Variants in ADAM9 observed in about 807,000 individuals in gnomAD.
ADAM9 encodes ADAM metallopeptidase domain 9.
In ADAM9, 54 loss-of-function variants were observed where a neutral mutation model predicts 108.1. The ratio of observed to expected loss-of-function variants is 0.50; its 90% CI spans 0.40 to 0.63. ADAM9 has a LOEUF of 0.63. Among genes scored for constraint, ADAM9 ranks in the 20% least tolerant of loss-of-function variants. The probability of loss-of-function intolerance (pLI) is 0.00; values close to 1 mark genes in which losing one functional copy is unlikely to be tolerated. For missense variants in ADAM9, 830 were observed against 997.7 expected (o/e 0.83, Z 2.26); for synonymous variants, 316 against 336.0 (o/e 0.94, Z 0.65).
intron 1 of ADAM9, among the ~76,000 whole-genome samples, chr8:39,003,082 G>C (rs140929934): frequency 2.0e-5 from 3 of 152,170 alleles, no homozygotes; most frequent in Admixed American, 2.0e-4. Context: ...CACCATGTTG[G>C]CCAGGCTGGT....
intron 15 of ADAM9, 126 bp from the exon 16 acceptor site, chr8:39,077,102 A>C: frequency 9.3e-7 from 1 of 1,075,762 alleles, no homozygotes; most frequent in Non-Finnish European, 1.4e-6. Context: ...TCTTGCTCTC[A>C]TACACTTTCT....
At chr8:39,009,553 A>G (rs763728439) in intron 2 of ADAM9, among the ~76,000 whole-genome samples, 3 of 152,124 alleles carry the variant, frequency 2.0e-5, no homozygotes, top group African/African-American at 4.8e-5. Flanking sequence ...TCTACAGTCA[A>G]TGGTAGACTT....
At chr8:39,043,803 A>G (rs141454879) in intron 12 of ADAM9, among the ~76,000 whole-genome samples, 15 of 152,176 alleles carry the variant, frequency 9.9e-5, no homozygotes, top group Non-Finnish European at 2.2e-4. Flanking sequence ...TGGGGTCTCC[A>G]GTGTCTGTTA....
Position 39,091,360 on chromosome 8 carries a change from G to GA in ADAM9, c.2298+19dup. ...CCCAGAGAAGTTGTAAGTATAAAAT[G>GA]AAAAATTATTTTTCTTTACTGTATT... is the stretch of plus-strand genomic sequence containing the variant. On this transcript the variant is annotated intron_variant, in intron 20 of 21. Transcript: ENST00000487273. The GA allele has an allele frequency of 9.3e-6, 15 of 1,605,548 alleles. No homozygotes were observed. Among genetic ancestry groups the GA allele is most frequent in the Non-Finnish European group, 1.2e-5 (14 of 1,172,380 alleles).
At chr8:39,009,696 A>T (rs969029789) in intron 2 of ADAM9, among the ~76,000 whole-genome samples, 2 of 152,226 alleles carry the variant, frequency 1.3e-5, no homozygotes, top group African/African-American at 4.8e-5. Context: ...TGGAGAAGTG[A>T]TATAGTCAGT....
intron 11 of ADAM9, among the ~76,000 whole-genome samples, chr8:39,039,516 A>G (rs576786035): frequency 3.9e-5 from 6 of 152,328 alleles, no homozygotes; most frequent in African/African-American, 1.4e-4. Flanking sequence ...TTTGTCTTAC[A>G]TATCTGCTAC....
chr8:39,093,443 T>C (rs1201255322), intron 20 of ADAM9, among the ~76,000 whole-genome samples: 1 of 152,228 alleles, frequency 6.6e-6, no homozygotes, highest in Non-Finnish European at 1.5e-5. Context: ...GTTGATTTTG[T>C]ATTATGCAAC....
At chr8:39,069,905 T>C (rs1005364530) in intron 14 of ADAM9, among the ~76,000 whole-genome samples, 1 of 149,250 alleles carries the variant, frequency 6.7e-6, no homozygotes, top group African/African-American at 2.5e-5. Context: ...TATACAAAAA[T>C]GGTATCATAT....
chr8:38,997,850 A>G (rs753504742), intron 1 of ADAM9, among the ~76,000 whole-genome samples: 3 of 152,216 alleles, frequency 2.0e-5, no homozygotes, highest in Non-Finnish European at 4.4e-5. Context: ...CGGACAGATA[A>G]TCCCTGCTCT....
intron 1 of ADAM9, among the ~76,000 whole-genome samples, chr8:39,003,314 TG>T (rs920015733): frequency 9.2e-5 from 14 of 152,262 alleles, no homozygotes; most frequent in East Asian, 7.7e-4. Context: ...TGGGGGATGC[TG>T]TTGGCATCTA....
chr8:39,022,064 T>TTGTGTGTGTGTG (rs552684363), intron 8 of ADAM9, among the ~76,000 whole-genome samples: 1 of 141,470 alleles, frequency 7.1e-6, no homozygotes, highest in African/African-American at 2.6e-5. Flanking sequence ...ATGACAATAT[T>TTGTGTGTGTGTG]TGTGTGTGTG....
At chr8:38,999,946 A>C (rs1835944104) in intron 1 of ADAM9, among the ~76,000 whole-genome samples, 1 of 152,014 alleles carries the variant, frequency 6.6e-6, no homozygotes, top group Admixed American at 6.5e-5. Context: ...GCTTGGAGTC[A>C]TGCCATCCTT....
At chr8:39,059,213 A>G (rs1475539731) in intron 14 of ADAM9, among the ~76,000 whole-genome samples, 1 of 152,238 alleles carries the variant, frequency 6.6e-6, no homozygotes, top group Non-Finnish European at 1.5e-5. Context: ...TTGGTAGTTC[A>G]CAGGAGTGTT....
At chr8:39,051,140 C>T (rs28396496) in intron 12 of ADAM9, among the ~76,000 whole-genome samples, 1,639 of 152,190 alleles carry the variant, frequency 0.011, 24 homozygotes, top group African/African-American at 0.037. Context: ...CTAATATATT[C>T]CAGGTCCTAT....
intron 14 of ADAM9, among the ~76,000 whole-genome samples, chr8:39,065,381 G>A (rs757986864): frequency 1.1e-4 from 17 of 151,442 alleles, no homozygotes; most frequent in South Asian, 4.1e-4. Context: ...TTGGCCAGGC[G>A]CGGTGGCTCA....
At chr8:39,055,833 T>G in intron 14 of ADAM9, 61 bp downstream of exon 14, 1 of 1,494,192 alleles carries the variant, frequency 6.7e-7, no homozygotes, top group Non-Finnish European at 9.1e-7. Flanking sequence ...TTTAGATATT[T>G]TAAAAAAGGT....
At chr8:39,046,375 TG>T (rs1837774905) in intron 12 of ADAM9, among the ~76,000 whole-genome samples, 1 of 152,158 alleles carries the variant, frequency 6.6e-6, no homozygotes, top group African/African-American at 2.4e-5. Flanking sequence ...ATGGACTCTT[TG>T]GGATTTTCTA....
At chr8:39,020,341 TA>T (rs964681873) in intron 7 of ADAM9, among the ~76,000 whole-genome samples, 8 of 151,878 alleles carry the variant, frequency 5.3e-5, no homozygotes, top group African/African-American at 9.7e-5. Context: ...AGAAAATGGT[TA>T]AAAAAAAGGT....
At chr8:39,096,172 A>G (rs1057082502) in intron 20 of ADAM9, among the ~76,000 whole-genome samples, 5 of 127,638 alleles carry the variant, frequency 3.9e-5, no homozygotes, top group African/African-American at 1.3e-4. Flanking sequence ...TGATCAAATC[A>G]GGGTAATTGG....
Sources: gnomAD v4.1 joint callset for allele counts (sites outside exome capture counted in the v4.1 genomes callset) on GRCh38, gnomAD v4.1.1 for gene constraint, MANE v1.5 for transcripts, NCBI Gene and HGNC (gene_info 2026-07-23, HGNC 2026-07-21) for gene names.